Variants in LARGE2 observed in about 807,000 individuals in gnomAD.
The protein encoded by LARGE2 is LARGE xylosyl- and glucuronyltransferase 2.
LARGE2 carries 63 observed loss-of-function variants against 75.3 expected under a neutral mutation model. The observed-to-expected ratio is 0.84, with a 90% CI of 0.68 to 1.03. The LOEUF (loss-of-function observed/expected upper bound fraction) is 1.03. Ranked by LOEUF, LARGE2 falls within the 50% of genes least tolerant of loss-of-function variation. The pLI, the probability that LARGE2 is intolerant of heterozygous loss-of-function variation, is 0.00. For synonymous variants in LARGE2, 428 were observed against 420.1 expected, an observed-to-expected ratio of 1.02 and a Z score of -0.23; for missense variants, 925 against 980.6, an observed-to-expected ratio of 0.94 and a Z score of 0.76.
chr11:45,922,664 C>A lies in LARGE2; in HGVS notation c.-127C>A, dbSNP rs2086958994. Reference sequence around the variant, plus strand: ...GGGCGGGACCGGCCCGCGCCTCTCCCCTGGTTCCCGCACCCTGGCCGGCGG... The same window carrying A: ...GGGCGGGACCGGCCCGCGCCTCTCCACTGGTTCCCGCACCCTGGCCGGCGG... On this transcript the variant is annotated 5_prime_UTR_variant, in exon 1 of 14. Coordinates refer to ENST00000401752, the MANE Select transcript of LARGE2 (RefSeq NM_001300721.2). 14 of 351,520 alleles carry A rather than the reference C, an allele frequency of 4.0e-5. No individual in the cohort carries two copies. In the East Asian group the frequency reaches 6.0e-4, roughly 15 times the overall value. 21.8% of individuals were successfully genotyped at this position (351,520 alleles called of 1,614,324 possible).
rs1440960582 is a variant in LARGE2, at chr11:45,922,699, C to T, written c.-92C>T. On this transcript the variant is annotated 5_prime_UTR_variant, in exon 1 of 14. Transcript: ENST00000401752. Reference sequence around the variant, plus strand: ...GCACCCTGGCCGGCGGCTGCGAGCGCAGGGCCCAGCCCGGGAGCCGCTGGA... The same window carrying T: ...GCACCCTGGCCGGCGGCTGCGAGCGTAGGGCCCAGCCCGGGAGCCGCTGGA... 4 of 410,334 alleles carry T rather than the reference C, an allele frequency of 9.7e-6. No individual in the cohort carries two copies. The highest frequency in any genetic ancestry group is 1.6e-5 in the Non-Finnish European group (4 of 247,102). The allele number at this position is 410,334 out of a possible 1,614,324, so 25.4% of individuals were successfully genotyped here.
chr11:45,922,987 C>T lies in LARGE2; in HGVS notation c.105C>T (p.Arg35=). The T allele has an allele frequency of 7.4e-7, 1 of 1,343,786 alleles. No individual in the cohort carries two copies. The highest frequency in any genetic ancestry group is 3.1e-5 in the East Asian group (1 of 32,388). 83.2% of individuals were successfully genotyped at this position (1,343,786 alleles called of 1,614,324 possible). The change falls in exon 2 of 14, where the codon CGC becomes CGT. Residue 35 remains arginine (R), a synonymous_variant. Coordinates refer to ENST00000401752, the MANE Select transcript of LARGE2 (RefSeq NM_001300721.2). The stretch of plus-strand genomic sequence containing the variant: ...TCGGTGGGGACCTGGGGTGTGAGCG[C>T]CGCGAGCCTGGCGGGCGAGCGGGGG... ...LLFGGDLGCE[R]REPGGRAGAP... is the part of the protein sequence containing the mutation.
Position 45,926,543 on chromosome 11 carries a change from G to A in LARGE2, c.1110G>A (p.Leu370=), listed in dbSNP as rs748971045. Residue 370 remains leucine, a synonymous_variant, in exon 9 of 14, where the codon CTG becomes CTA. Transcript: ENST00000401752. ...CCTTCCTGGAGTACGATGGGAACCT[G>A]CTGCGGAGAGAGCTCTTTGTGTGCC... ...YLTFLEYDGN[L]LRRELFVCPS... is the part of the protein sequence containing the mutation. 7 of 1,614,096 alleles carry A rather than the reference G, an allele frequency of 4.3e-6. No individual in the cohort carries two copies. Among genetic ancestry groups the A allele is most frequent in the Non-Finnish European group, 4.2e-6 (5 of 1,180,038 alleles).
intron 13 of LARGE2, 62 bp from the exon 14 acceptor site, chr11:45,928,568 C>T: frequency 6.3e-7 from 1 of 1,582,642 alleles, no homozygotes; most frequent in Non-Finnish European, 8.6e-7. Context: ...TTCTCTGGAG[C>T]TGCACCTTCC....
chr11:45,923,315 C>T, intron 2 of LARGE2, 148 bp downstream of exon 2: 1 of 1,100,586 alleles, frequency 9.1e-7, no homozygotes, highest in Non-Finnish European at 1.3e-6. Context: ...AGCTCCTCTG[C>T]TCCCGACCTC....
In LARGE2 at chr11:45,923,520, C is replaced by T. The variant is rs1455044873; in HGVS notation, c.333C>T (p.Asp111=). Residue 111 remains aspartate (D), a synonymous_variant, in exon 3 of 14, where the codon GAC becomes GAT. Transcript: ENST00000401752. ...IVCAGHNSSR[D]VITLVKSMLF... ...GTGCGGGGCATAACTCCAGCCGAGA[C>T]GTCATCACCCTGGTGAAGTCCATGC... 2 of 1,613,870 alleles carry T rather than the reference C, an allele frequency of 1.2e-6. No individual in the cohort carries two copies. The highest frequency in any genetic ancestry group is 1.7e-6 in the Non-Finnish European group (2 of 1,179,982).
chr11:45,926,057 T>C lies in LARGE2; in HGVS notation c.788T>C (p.Leu263Pro), dbSNP rs1242072545. 2 of 1,559,022 alleles carry C rather than the reference T, an allele frequency of 1.3e-6. No individual in the cohort carries two copies. The highest frequency in any genetic ancestry group is 1.9e-5 in the Admixed American group (1 of 51,952). ...TTGGCAGGTGTGATCCTGCTGCGGC[T>C]GGACCGGCTCCGGCAGGCTGGCTGG... ...GFNTGVILLR[L>P]DRLRQAGWEQ... The change falls in exon 7 of 14, where the codon CTG becomes CCG. Residue 263 changes from leucine to proline, a missense_variant. Physicochemically the swap from Leu to Pro is moderately conservative, Grantham distance 98. Transcript: ENST00000401752.
In LARGE2 at chr11:45,926,847, T is replaced by C; in HGVS notation, c.1301T>C (p.Leu434Pro). 1 of 1,612,252 alleles carries C rather than the reference T, an allele frequency of 6.2e-7. No homozygotes were observed. The highest frequency in any genetic ancestry group is 8.5e-7 in the Non-Finnish European group (1 of 1,179,720). Residue 434 changes from leucine to proline, a missense_variant, in exon 10 of 14, where the codon CTT becomes CCT. Leu to Pro is a moderately conservative substitution (Grantham distance 98, BLOSUM62 -3). This residue lies in a region of LARGE2 where 469 missense variants were observed against 503.8 expected (regional missense o/e 0.93). Transcript: ENST00000401752. ...PPPPRPHDVT[L>P]VAQLSMDRLQ... The stretch of plus-strand genomic sequence containing the variant: ...CCCCCCCGGCCTCACGATGTCACCC[T>C]TGTGGCCCAGCTGTCCATGGACCGG...
chr11:45,922,847 G>C lies in LARGE2; in HGVS notation c.-36G>C. 1 of 1,244,032 alleles carries C rather than the reference G, an allele frequency of 8.0e-7. No individual in the cohort carries two copies. The highest frequency in any genetic ancestry group is 1.0e-6 in the Non-Finnish European group (1 of 995,024). 77.1% of individuals were successfully genotyped at this position (1,244,032 alleles called of 1,614,324 possible). On this transcript the variant is annotated 5_prime_UTR_variant, in exon 2 of 14. Transcript: ENST00000401752. ...GCCTGCGATGGAGCCTGCAGCCCCG[G>C]GTCGCGTCCCTCCCTGAGCGCCCCC... is the stretch of plus-strand genomic sequence containing the variant.
At chr11:45,925,370 A>T (rs1448404528) in intron 6 of LARGE2, among the ~76,000 whole-genome samples, 1 of 152,188 alleles carries the variant, frequency 6.6e-6, no homozygotes, top group African/African-American at 2.4e-5. Context: ...AACATTAAAA[A>T]ATTGACCAGT....
chr11:45,922,905 G>C lies in LARGE2; in HGVS notation c.23G>C (p.Arg8Pro). 1 of 1,268,308 alleles carries C rather than the reference G, an allele frequency of 7.9e-7. No individual in the cohort carries two copies. The highest frequency in any genetic ancestry group is 3.2e-5 in the East Asian group (1 of 31,462). 78.6% of individuals were successfully genotyped at this position (1,268,308 alleles called of 1,614,324 possible). A position where few individuals can be genotyped will look rare whatever the true frequency, so the allele number is the denominator to read the frequency against. The change falls in exon 2 of 14, where the codon CGG becomes CCG. Residue 8 changes from arginine (R) to proline (P), a missense_variant. Physicochemically the swap from Arg to Pro is moderately radical, Grantham distance 103. Coordinates refer to ENST00000401752, the MANE Select transcript of LARGE2 (RefSeq NM_001300721.2). MLPRGRP[R>P]ALGAAALLLL... Reference sequence around the variant, plus strand: ...GCCATGCTGCCCCGAGGGCGCCCCCGGGCGCTGGGGGCCGCCGCGCTGTTG... The same window carrying C: ...GCCATGCTGCCCCGAGGGCGCCCCCCGGCGCTGGGGGCCGCCGCGCTGTTG...
At position 45,924,810 on chromosome 11, in the gene LARGE2, G is replaced by C; in HGVS notation, c.690G>C (p.Glu230Asp). 1.3e-6 allele frequency: 2 copies of C among 1,513,052 alleles called. No homozygotes were observed. The highest frequency in any genetic ancestry group is 1.8e-6 in the Non-Finnish European group (2 of 1,129,912). The allele number at this position is 1,513,052 out of a possible 1,614,324, so 93.7% of individuals were successfully genotyped here. ...ACACGCAGGCGATCGGTCTTGTGGA[G>C]AACCAGAGTGACTGGTACCTGGGCA... ...FSDTQAIGLV[E>D]NQSDWYLGNL... Residue 230 changes from glutamate to aspartate, a missense_variant, in exon 6 of 14, where the codon GAG becomes GAC. By Grantham distance (45) the Glu-to-Asp change is conservative. Transcript: ENST00000401752.
chr11:45,928,847 G>A lies in LARGE2; in HGVS notation c.*2G>A. The A allele has an allele frequency of 6.2e-7, 1 of 1,612,940 alleles. No individual in the cohort carries two copies. The highest frequency in any genetic ancestry group is 8.5e-7 in the Non-Finnish European group (1 of 1,179,810). ...CCCCAGAGCCCTGCCCGAGGCTGAG[G>A]CTGGGCCGGCGCTGCCCCTCATCTT... On this transcript the variant is annotated 3_prime_UTR_variant, in exon 14 of 14. Transcript: ENST00000401752.
At chr11:45,924,386 G>A in intron 4 of LARGE2, 109 bp downstream of exon 4, 1 of 1,565,594 alleles carries the variant, frequency 6.4e-7, no homozygotes, top group Non-Finnish European at 8.6e-7. Context: ...TCCACCTACT[G>A]AAGCGCAAAC....
At chr11:45,924,938 G>C in intron 6 of LARGE2, 49 bp downstream of exon 6, 1 of 1,198,298 alleles carries the variant, frequency 8.3e-7, no homozygotes, top group African/African-American at 1.5e-5. Flanking sequence ...GCTGGTCCTT[G>C]GGCCCCTGGG....
rs370411213 is a variant in LARGE2, at chr11:45,926,234, G to A, written c.895G>A (p.Ala299Thr). The change falls in exon 8 of 14, where the codon GCT becomes ACT. Residue 299 changes from alanine (A) to threonine (T), a missense_variant. Around this residue, in one of 3 missense-constraint regions of LARGE2, gnomAD observed 453 missense variants for 460.2 expected, o/e 0.98. Coordinates refer to ENST00000401752, the MANE Select transcript of LARGE2 (RefSeq NM_001300721.2). Reference sequence around the variant, plus strand: ...TGTCTCTGCTCAGGACATCTTCAACGCTGTGATCAAGGAGCACCCGGGGCT... The same window carrying A: ...TGTCTCTGCTCAGGACATCTTCAACACTGTGATCAAGGAGCACCCGGGGCT... Reference protein sequence around the residue: ...TSLADQDIFNAVIKEHPGLVQ... With the variant: ...TSLADQDIFNTVIKEHPGLVQ... 17 of 1,613,970 alleles carry A rather than the reference G, an allele frequency of 1.1e-5. No homozygotes were observed. Among genetic ancestry groups the A allele is most frequent in the Admixed American group, 5.0e-5 (3 of 60,000 alleles).
chr11:45,927,748 G>A (rs1285315488), intron 11 of LARGE2, 155 bp downstream of exon 11: 2 of 1,418,476 alleles, frequency 1.4e-6, no homozygotes, highest in African/African-American at 2.8e-5. Flanking sequence ...GCTGTCAACA[G>A]GGAGGCCAGG....
chr11:45,926,068 C>CG lies in LARGE2; in HGVS notation c.801dup (p.Gln268AlafsTer18). On this transcript the variant is annotated frameshift_variant, in exon 7 of 14. Transcript: ENST00000401752. LOFTEE classifies it high-confidence loss of function. ...GATCCTGCTGCGGCTGGACCGGCTC[C>CG]GGCAGGCTGGCTGGGAGCAGATGTG... 1.3e-6 allele frequency: 2 copies of CG among 1,558,978 alleles called. No homozygotes were observed. Among genetic ancestry groups the CG allele is most frequent in the Non-Finnish European group, 1.7e-6 (2 of 1,151,718 alleles).
intron 6 of LARGE2, 62 bp downstream of exon 6, chr11:45,924,951 TG>T: frequency 2.9e-6 from 3 of 1,044,568 alleles, no homozygotes; most frequent in Non-Finnish European, 4.0e-6. Context: ...CCCCTGGGGC[TG>T]GGTGGGGCAA....
Sources: allele counts gnomAD v4.1 joint callset (sites outside exome capture counted in the v4.1 genomes callset), GRCh38; gene constraint gnomAD v4.1.1; regional missense constraint gnomAD v4.1.1; transcripts MANE v1.5; gene names NCBI Gene and HGNC (gene_info 2026-07-23, HGNC 2026-07-21).